ZMYM2: variants seen among roughly 807,000 people sequenced by gnomAD.
ZMYM2 encodes the protein zinc finger MYM-type protein 2.
A neutral mutation model predicts 162.8 loss-of-function variants in ZMYM2; 56 were observed. That is an observed-to-expected ratio of 0.34 (90% CI 0.28 to 0.43). The LOEUF (loss-of-function observed/expected upper bound fraction) is 0.43, where lower values mean the gene tolerates loss of function less well. Ranked by LOEUF, ZMYM2 falls within the 20% of genes least tolerant of loss-of-function variation. ZMYM2 has a pLI of 1.00. For missense variants in ZMYM2, 1,275 were observed against 1,621.8 expected, an observed-to-expected ratio of 0.79 and a Z score of 3.67; for synonymous variants, 510 against 541.6, an observed-to-expected ratio of 0.94 and a Z score of 0.81.
chr13:19,982,631 G>T (rs1308216866), intron 2 of ZMYM2, among the ~76,000 whole-genome samples: 1 of 152,090 alleles, frequency 6.6e-6, no homozygotes, highest in Non-Finnish European at 1.5e-5. Flanking sequence ...TGCAGTTTTT[G>T]CCATTACTTT....
intron 21 of ZMYM2, among the ~76,000 whole-genome samples, chr13:20,074,860 TC>T (rs1957375547): frequency 6.6e-6 from 1 of 152,238 alleles, no homozygotes; most frequent in Non-Finnish European, 1.5e-5. Context: ...TAAAATAGGT[TC>T]CTTATGTATT....
At chr13:19,882,363 G>A in the ZMYM2 span, among the ~76,000 whole-genome samples, 1 of 152,086 alleles carries the variant, frequency 6.6e-6, no homozygotes, top group African/African-American at 2.4e-5. Flanking sequence ...AATGGATTAA[G>A]GACTTGAATA....
chr13:19,887,448 G>T, the ZMYM2 span, among the ~76,000 whole-genome samples: 1 of 151,390 alleles, frequency 6.6e-6, no homozygotes, highest in Admixed American at 6.6e-5. Flanking sequence ...AGAATCATTC[G>T]AACCCAGGAG....
At chr13:20,031,789 C>G (rs1487847257) in intron 10 of ZMYM2, among the ~76,000 whole-genome samples, 1 of 151,468 alleles carries the variant, frequency 6.6e-6, no homozygotes, top group Non-Finnish European at 1.5e-5. Flanking sequence ...TTTTCTATCA[C>G]TCAGTACCTG....
the ZMYM2 span, among the ~76,000 whole-genome samples, chr13:19,924,483 G>A: frequency 8.6e-5 from 13 of 151,504 alleles, no homozygotes; most frequent in South Asian, 2.1e-4. Flanking sequence ...TGAAAGGATC[G>A]CTTGAGTGCA....
At chr13:20,075,978 G>T (rs1957477441) in intron 21 of ZMYM2, among the ~76,000 whole-genome samples, 2 of 141,394 alleles carry the variant, frequency 1.4e-5, no homozygotes, top group African/African-American at 6.4e-5. Flanking sequence ...TTACAGGCAT[G>T]AGCCACCATG....
intron 12 of ZMYM2, among the ~76,000 whole-genome samples, chr13:20,045,637 A>G (rs1954702092): frequency 6.6e-6 from 1 of 152,160 alleles, no homozygotes; most frequent in Non-Finnish European, 1.5e-5. Flanking sequence ...TTATTTTTAA[A>G]ATTTTCTTTT....
the ZMYM2 span, among the ~76,000 whole-genome samples, chr13:19,922,699 C>T: frequency 0.012 from 1,799 of 151,938 alleles, 36 homozygotes; most frequent in African/African-American, 0.042. Flanking sequence ...AAAAAATTAG[C>T]CAGGCGTGGT....
At chr13:19,941,120 T>C in the ZMYM2 span, among the ~76,000 whole-genome samples, 5 of 151,958 alleles carry the variant, frequency 3.3e-5, no homozygotes, top group Non-Finnish European at 7.4e-5. Flanking sequence ...ACCAGCCTGG[T>C]TAACATGGTG....
intron 2 of ZMYM2, among the ~76,000 whole-genome samples, chr13:19,975,874 A>G (rs1956738860): frequency 7.9e-6 from 1 of 126,420 alleles, no homozygotes. Flanking sequence ...GTATGTATGT[A>G]TGTATGTATG....
the ZMYM2 span, among the ~76,000 whole-genome samples, chr13:19,886,432 G>T: frequency 6.6e-6 from 1 of 151,574 alleles, no homozygotes; most frequent in Non-Finnish European, 1.5e-5. Context: ...CAAAGTGCTG[G>T]GTTTACAGGT....
At chr13:20,011,461 C>T (rs1261106100) in intron 6 of ZMYM2, among the ~76,000 whole-genome samples, 1 of 152,116 alleles carries the variant, frequency 6.6e-6, no homozygotes, top group Non-Finnish European at 1.5e-5. Flanking sequence ...AGATTTTTTG[C>T]ATTTGCGTTG....
intron 20 of ZMYM2, 75 bp from the exon 21 acceptor site, chr13:20,067,164 A>G (rs1264206056): frequency 7.1e-7 from 1 of 1,415,358 alleles, no homozygotes; most frequent in Non-Finnish European, 9.4e-7. Flanking sequence ...CTTACAAAGA[A>G]TAACGTCAGA....
At chr13:19,884,825 C>T in the ZMYM2 span, among the ~76,000 whole-genome samples, 4 of 152,124 alleles carry the variant, frequency 2.6e-5, no homozygotes, top group Non-Finnish European at 4.4e-5. Context: ...AACAAACATT[C>T]CAGCAGTAAA....
At chr13:19,999,467 A>G (rs1594272477) in intron 3 of ZMYM2, among the ~76,000 whole-genome samples, 1 of 152,254 alleles carries the variant, frequency 6.6e-6, no homozygotes, top group East Asian at 1.9e-4. Flanking sequence ...AACCATACCC[A>G]TATGAGAGTG....
chr13:19,920,019 G>C, the ZMYM2 span, among the ~76,000 whole-genome samples: 1 of 152,112 alleles, frequency 6.6e-6, no homozygotes, highest in African/African-American at 2.4e-5. Context: ...ATGTTGTCCA[G>C]TCTGGTCTCG....
At chr13:20,061,327 G>T in intron 17 of ZMYM2, 103 bp downstream of exon 17, 2 of 1,286,478 alleles carry the variant, frequency 1.6e-6, no homozygotes, top group Non-Finnish European at 2.1e-6. Flanking sequence ...TTCAACTTAT[G>T]TGGGGGTGAG....
the ZMYM2 span, chr13:19,864,936 G>T: frequency 6.6e-6 from 1 of 152,296 alleles, no homozygotes; most frequent in Non-Finnish European, 1.5e-5. Context: ...TTCCGCTTTC[G>T]TCTCGCCCTG....
At chr13:20,045,838 T>C (rs1385112803) in intron 12 of ZMYM2, among the ~76,000 whole-genome samples, 2 of 152,140 alleles carry the variant, frequency 1.3e-5, no homozygotes, top group Admixed American at 1.3e-4. Flanking sequence ...AATTTTAATA[T>C]TGTATAATAA....
Sources: gnomAD v4.1 joint callset for allele counts (sites outside exome capture counted in the v4.1 genomes callset) on GRCh38, gnomAD v4.1.1 for gene constraint, MANE v1.5 for transcripts, NCBI Gene and HGNC (gene_info 2026-07-23, HGNC 2026-07-21) for gene names.